TMEM91: variants seen among roughly 807,000 people sequenced by gnomAD.
TMEM91 encodes transmembrane protein 91.
Under a neutral mutation model 13.3 loss-of-function variants are expected in TMEM91, and 6 were observed. The observed-to-expected ratio is 0.45, with a 90% CI of 0.25 to 0.89. The LOEUF is 0.89. TMEM91 is among the 40% of genes least tolerant of loss of function. The pLI is 0.19. For missense variants in TMEM91, 193 were observed against 228.7 expected (o/e 0.84, Z 1.01); for synonymous variants, 87 against 101.7 (o/e 0.86, Z 0.87).
upstream of TMEM91, among the ~76,000 whole-genome samples, chr19:41,372,477 A>G (rs1396006508): frequency 1.3e-5 from 2 of 152,030 alleles, no homozygotes; most frequent in Non-Finnish European, 2.9e-5. Flanking sequence ...CTGGGATTAC[A>G]GGCATGAGCC....
upstream of TMEM91, among the ~76,000 whole-genome samples, chr19:41,372,014 G>A (rs1271974891): frequency 2.0e-5 from 3 of 151,382 alleles, no homozygotes; most frequent in East Asian, 1.9e-4. Flanking sequence ...GTGTGCCACC[G>A]TGCTCGGCTA....
In TMEM91 at chr19:41,382,928, CTG is replaced by C; in HGVS notation, c.360+14_360+15del. 1 of 1,613,908 alleles carries C rather than the reference CTG, an allele frequency of 6.2e-7. No homozygotes were observed. The highest frequency in any genetic ancestry group is 1.7e-4 in the Middle Eastern group (1 of 6,060). ...CTTCTGTCTAGCCCAGAAGGTCAGT[CTG>C]TGTGTGGGACTTGGAGGGGACTGGG... On this transcript the variant is annotated splice_region_variant and intron_variant, in intron 3 of 3. Transcript: ENST00000392002.
intron 1 of TMEM91, among the ~76,000 whole-genome samples, chr19:41,369,795 G>A (rs536658484): frequency 1.7e-4 from 26 of 152,176 alleles, no homozygotes; most frequent in Non-Finnish European, 8.8e-5. Context: ...GTGACAGAGC[G>A]AGACTCTGTC....
intron 1 of TMEM91, among the ~76,000 whole-genome samples, chr19:41,371,369 CTTTCCTTCCTTCCTTCTTTCCTT>C (rs1568489511): frequency 2.2e-5 from 3 of 134,122 alleles, no homozygotes; most frequent in African/African-American, 9.0e-5. Context: ...TTCCTTCCTT[CTTTCCTTCCTTCCTTCTTTCCTT>C]CCTCCCTCCC....
chr19:41,367,103 C>T lies in TMEM91; in HGVS notation c.-30+3008C>T, dbSNP rs115926709. Among the ~76,000 whole-genome samples the T allele has an allele frequency of 8.6e-3, 1,300 of 151,262 alleles. 17 individuals carry two copies. The highest frequency in any genetic ancestry group is 0.03 in the African/African-American group (1,237 of 41,246). On this transcript the variant is annotated intron_variant, in intron 1 of 3. Coordinates refer to the TMEM91 transcript ENST00000413014. ...TTGCAGTGAGCCGAGATCACGCCACCGCACTTCAGCCTGGGCGACAGAGCC... is the reference window on the plus strand; with the variant it reads ...TTGCAGTGAGCCGAGATCACGCCACTGCACTTCAGCCTGGGCGACAGAGCC...
At position 41,382,846 on chromosome 19, in the gene TMEM91, C is replaced by T; in HGVS notation, c.285C>T (p.His95=). The change falls in exon 3 of 4, where the codon CAC becomes CAT. Residue 95 remains histidine (H), a synonymous_variant. Transcript: ENST00000392002. ...SRLSPFLPHD[H]LGLAVFSMLC... ...TTTCACCATTTCTACCCCACGACCA[C>T]CTCGGCTTGGCTGTCTTCTCCATGC... 6.2e-7 allele frequency: 1 copy of T among 1,614,244 alleles called. No homozygotes were observed. The highest frequency in any genetic ancestry group is 8.5e-7 in the Non-Finnish European group (1 of 1,180,056).
In TMEM91 at chr19:41,382,899, C is replaced by T. The variant is rs1343625577; in HGVS notation, c.338C>T (p.Ala113Val). The change falls in exon 3 of 4, where the codon GCT (alanine) becomes GTT (valine). Residue 113 changes from alanine (A) to valine (V), a missense_variant. Transcript: ENST00000392002. ...TGTTGTTTCTGGCCCGTTGGCATCG[C>T]TGCCTTCTGTCTAGCCCAGAAGGTC... The part of the protein sequence containing the change: ...MLCCFWPVGI[A>V]AFCLAQKTNK... 6.2e-7 allele frequency: 1 copy of T among 1,614,194 alleles called. No homozygotes were observed. The highest frequency in any genetic ancestry group is 1.7e-5 in the Admixed American group (1 of 60,016).
chr19:41,376,992 TCCAGGG>T, intron 1 of TMEM91, 138 bp downstream of exon 1: 1 of 152,662 alleles, frequency 6.6e-6, no homozygotes, highest in Middle Eastern at 3.4e-3. Flanking sequence ...TTGGGGACCT[TCCAGGG>T]GGATCGTAGG....
intron 1 of TMEM91, among the ~76,000 whole-genome samples, chr19:41,368,614 T>A (rs1421537289): frequency 6.6e-6 from 1 of 151,798 alleles, no homozygotes; most frequent in Non-Finnish European, 1.5e-5. Flanking sequence ...TTCACCATGT[T>A]GGCCAGGCTG....
intron 2 of TMEM91, among the ~76,000 whole-genome samples, chr19:41,379,668 AAGG>A (rs2038828968): frequency 6.6e-6 from 1 of 151,740 alleles, no homozygotes; most frequent in Non-Finnish European, 1.5e-5. Context: ...CAAGGAAAGG[AAGG>A]AGGGAAGGAA....
chr19:41,384,076 C>CG lies in TMEM91; in HGVS notation c.*203_*204insG, dbSNP rs2038959976. ...TGAGATTAAACACCAGACACCCTTG[C>CG]AGCCAAACCAGAGTCTGTTCGCGTG... On this transcript the variant is annotated 3_prime_UTR_variant, in exon 4 of 4. Transcript: ENST00000392002. 8 of 941,102 alleles carry CG rather than the reference C, an allele frequency of 8.5e-6. No homozygotes were observed. The highest frequency in any genetic ancestry group is 9.0e-6 in the Non-Finnish European group (6 of 669,952). The allele number at this position is 941,102 out of a possible 1,614,324, so 58.3% of individuals were successfully genotyped here.
chr19:41,379,354 A>G (rs1171667449), intron 2 of TMEM91, among the ~76,000 whole-genome samples: 1 of 149,326 alleles, frequency 6.7e-6, no homozygotes, highest in Non-Finnish European at 1.5e-5. Flanking sequence ...CGAAAATTAG[A>G]AAGACCCCAT....
At position 41,370,393 on chromosome 19, in the gene TMEM91, TTTTA is replaced by T. The variant is rs60423207; in HGVS notation, c.-30+6326_-30+6329del. 6.8e-4 allele frequency among the ~76,000 whole-genome samples: 97 copies of T among 143,054 alleles called. 1 individual carries two copies. In the South Asian group the frequency reaches 8.6e-3, roughly 13 times the overall value. The allele number at this position is 143,054 out of a possible 152,430, so 93.8% of individuals were successfully genotyped here. Reference sequence around the variant, plus strand: ...TGCCCCACCTATTTATTTATTTTTATTTTATTTATTTATTTATTTATTTATTTAT... The same window carrying T: ...TGCCCCACCTATTTATTTATTTTTATTTTATTTATTTATTTATTTATTTAT... On this transcript the variant is annotated intron_variant, in intron 1 of 3. Transcript: ENST00000413014.
chr19:41,363,960 T>C, upstream of TMEM91: 1 of 294,042 alleles, frequency 3.4e-6, no homozygotes, highest in Non-Finnish European at 6.6e-6. Flanking sequence ...ATTCCTACCT[T>C]AGCGCACTTA....
intron 1 of TMEM91, among the ~76,000 whole-genome samples, chr19:41,367,384 G>A (rs2038545049): frequency 6.6e-6 from 1 of 151,978 alleles, no homozygotes; most frequent in Non-Finnish European, 1.5e-5. Flanking sequence ...TGTAATCCCA[G>A]CACTTTGGGA....
At chr19:41,383,164 C>G (rs547334566) in intron 3 of TMEM91, 1 of 543,020 alleles carries the variant, frequency 1.8e-6, no homozygotes, top group South Asian at 2.9e-5. Context: ...AGTGATTCTC[C>G]TGCCCCAGCC....
chr19:41,365,704 CG>C (rs1568487702), intron 1 of TMEM91, among the ~76,000 whole-genome samples: 3 of 134,806 alleles, frequency 2.2e-5, no homozygotes, highest in African/African-American at 8.5e-5. Flanking sequence ...CGTGACCGGC[CG>C]GGTTTTTTTT....
upstream of TMEM91, chr19:41,374,547 T>A (rs1265934569): frequency 6.6e-6 from 1 of 152,212 alleles, no homozygotes; most frequent in Non-Finnish European, 1.5e-5. Context: ...ATGTTGGACA[T>A]TTGTTGTTGC....
At chr19:41,372,344 T>C (rs1599923003), upstream of TMEM91, among the ~76,000 whole-genome samples, 1 of 146,372 alleles carries the variant, frequency 6.8e-6, no homozygotes, top group Admixed American at 6.9e-5. Context: ...AGACTTCCTT[T>C]AAAAAAAAAA....
Sources: allele counts gnomAD v4.1 joint callset (sites outside exome capture counted in the v4.1 genomes callset), GRCh38; gene constraint gnomAD v4.1.1; transcripts MANE v1.5; gene names NCBI Gene and HGNC (gene_info 2026-07-23, HGNC 2026-07-21).